SLC22A16: variants seen among roughly 807,000 people sequenced by gnomAD.
SLC22A16 encodes solute carrier family 22 member 16.
Under a neutral mutation model 52.9 loss-of-function variants are expected in SLC22A16, and 53 were observed. That is an observed-to-expected ratio of 1.00 (90% CI 0.80 to 1.26). The LOEUF (loss-of-function observed/expected upper bound fraction) is 1.26, where lower values mean the gene tolerates loss of function less well. Among genes scored for constraint, SLC22A16 ranks in the 50% most tolerant of loss-of-function variants. The probability of loss-of-function intolerance (pLI) is 0.00; values close to 1 mark genes in which losing one functional copy is unlikely to be tolerated. For synonymous variants in SLC22A16, 291 were observed against 268.8 expected, an observed-to-expected ratio of 1.08 and a Z score of -0.81; for missense variants, 726 against 704.0, an observed-to-expected ratio of 1.03 and a Z score of -0.35.
At chr6:110,461,365 A>G (rs1178584859) in intron 1 of SLC22A16, among the ~76,000 whole-genome samples, 3 of 152,184 alleles carry the variant, frequency 2.0e-5, no homozygotes, top group Non-Finnish European at 4.4e-5. Flanking sequence ...CATGATAGGT[A>G]GTGGATCATG....
chr6:110,468,677 A>G (rs2114279733), intron 1 of SLC22A16, among the ~76,000 whole-genome samples: 1 of 151,496 alleles, frequency 6.6e-6, no homozygotes, highest in Non-Finnish European at 1.5e-5. Flanking sequence ...GAGAAGAAGA[A>G]GAAGAAGAAG....
Position 110,442,657 on chromosome 6 carries a change from A to G in SLC22A16, c.770T>C (p.Val257Ala). 1 of 1,614,140 alleles carries G rather than the reference A, an allele frequency of 6.2e-7. No individual in the cohort carries two copies. The highest frequency in any genetic ancestry group is 8.5e-7 in the Non-Finnish European group (1 of 1,179,988). ...CCTGACCAAGTATCCTGTCAAAGCCACCAGCAGGGTTCCAACTGCAAAAAA... is the reference window on the plus strand; with the variant it reads ...CCTGACCAAGTATCCTGTCAAAGCCGCCAGCAGGGTTCCAACTGCAAAAAA... ...HSFFAVGTLLVALTGYLVRTW... is the reference protein window; with the variant it reads ...HSFFAVGTLLAALTGYLVRTW... Residue 257 changes from valine (V) to alanine (A), a missense_variant, in exon 4 of 8, where the codon GTG (valine) becomes GCG (alanine). Transcript: ENST00000368919.
At chr6:110,462,551 T>G (rs1476720544) in intron 1 of SLC22A16, among the ~76,000 whole-genome samples, 27 of 152,192 alleles carry the variant, frequency 1.8e-4, no homozygotes, top group Admixed American at 1.8e-3. Flanking sequence ...AAGACCAATC[T>G]TTCTATTTTA....
chr6:110,443,578 A>C (rs1394781054), intron 3 of SLC22A16, among the ~76,000 whole-genome samples: 2 of 152,180 alleles, frequency 1.3e-5, no homozygotes, highest in Non-Finnish European at 2.9e-5. Context: ...ACCCATGTGT[A>C]ATATGTGAGA....
chr6:110,425,247 C>T, intron 7 of SLC22A16, 162 bp from the exon 8 acceptor site: 3 of 1,516,938 alleles, frequency 2.0e-6, no homozygotes, highest in Non-Finnish European at 2.7e-6. Flanking sequence ...TTGTGCTGGA[C>T]TTCGAGTTCT....
Position 110,425,066 on chromosome 6 carries a change from G to C in SLC22A16, c.1541C>G (p.Ala514Gly), listed in dbSNP as rs1021115202. 2 of 1,614,132 alleles carry C rather than the reference G, an allele frequency of 1.2e-6. No individual in the cohort carries two copies. The highest frequency in any genetic ancestry group is 1.7e-6 in the Non-Finnish European group (2 of 1,180,014). Reference sequence around the variant, plus strand: ...TAGTGTTAACACTCCACTCAGGAGGGCCATAGTCCCAACAAACAACTAGAA... The same window carrying C: ...TAGTGTTAACACTCCACTCAGGAGGCCCATAGTCCCAACAAACAACTAGAA... Reference protein sequence around the residue: ...FIPQLFVGTMALLSGVLTLKL... With the variant: ...FIPQLFVGTMGLLSGVLTLKL... Residue 514 changes from alanine to glycine, a missense_variant, in exon 8 of 8, where the codon GCC (alanine) becomes GGC (glycine). Coordinates refer to ENST00000368919, the MANE Select transcript of SLC22A16 (RefSeq NM_033125.4).
At chr6:110,467,994 C>T (rs1403493499) in intron 1 of SLC22A16, among the ~76,000 whole-genome samples, 1 of 152,224 alleles carries the variant, frequency 6.6e-6, no homozygotes, top group Non-Finnish European at 1.5e-5. Flanking sequence ...CCTCACTTCT[C>T]ATAGAACCTC....
chr6:110,431,372 T>C, intron 6 of SLC22A16, 102 bp from the exon 7 acceptor site: 1 of 995,842 alleles, frequency 1.0e-6, no homozygotes, highest in South Asian at 1.4e-5. Flanking sequence ...CCAGCAAGGA[T>C]AAGGGTGGTC....
chr6:110,456,389 T>A (rs1775654181), intron 2 of SLC22A16, 149 bp downstream of exon 2: 1 of 980,882 alleles, frequency 1.0e-6, no homozygotes. Flanking sequence ...TCATTATACA[T>A]CCCTAAATAA....
At position 110,428,412 on chromosome 6, in the gene SLC22A16, T is replaced by C. The variant is rs376452469; in HGVS notation, c.1521+2759A>G. Among the ~76,000 whole-genome samples, 23 of 152,320 alleles carry C rather than the reference T, an allele frequency of 1.5e-4. No homozygotes were observed. In the South Asian group the frequency reaches 2.3e-3, roughly 15 times the overall value. On this transcript the variant is annotated intron_variant, in intron 7 of 7. Transcript: ENST00000368919. ...GCTGGACAAGGAGCTGACTGCTCTG[T>C]GCTCACTTTTGTATAGATTGTTTGT... is the stretch of plus-strand genomic sequence containing the variant.
chr6:110,441,190 A>G (rs1038532691), intron 4 of SLC22A16, among the ~76,000 whole-genome samples: 36 of 152,242 alleles, frequency 2.4e-4, no homozygotes, highest in Non-Finnish European at 3.7e-4. Flanking sequence ...TTTATGCCCT[A>G]ATTGACAAAG....
chr6:110,457,789 C>T (rs1322015910), intron 1 of SLC22A16, among the ~76,000 whole-genome samples: 2 of 152,238 alleles, frequency 1.3e-5, no homozygotes, highest in South Asian at 4.2e-4. Flanking sequence ...AGAGGTAATG[C>T]CAGTGTCTGG....
chr6:110,470,140 G>T (rs532481688), intron 1 of SLC22A16, among the ~76,000 whole-genome samples: 27 of 152,034 alleles, frequency 1.8e-4, no homozygotes, highest in Admixed American at 1.8e-3. Flanking sequence ...GCATCTACCC[G>T]CTAGACACCA....
intron 1 of SLC22A16, among the ~76,000 whole-genome samples, chr6:110,468,732 G>A (rs1407117498): frequency 6.6e-6 from 1 of 152,104 alleles, no homozygotes; most frequent in African/African-American, 2.4e-5. Context: ...TAGACAGAGG[G>A]GTTGGGCAGG....
At chr6:110,437,526 C>T (rs375489123) in intron 5 of SLC22A16, among the ~76,000 whole-genome samples, 3 of 152,142 alleles carry the variant, frequency 2.0e-5, no homozygotes, top group African/African-American at 7.2e-5. Context: ...ATTTGGCTCA[C>T]CGATCCTAAG....
Position 110,453,527 on chromosome 6 carries a change from C to T in SLC22A16, c.533+3011G>A. ...CAGAGACAAAGAACTTCATTACTTA[C>T]TTCGTTAGCAAGCAGTAGGGCAGCA... On this transcript the variant is annotated intron_variant, in intron 2 of 7. Coordinates refer to ENST00000368919, the MANE Select transcript of SLC22A16 (RefSeq NM_033125.4). 1.2e-5 allele frequency: 5 copies of T among 434,210 alleles called. 1 individual carries two copies. The highest frequency in any genetic ancestry group is 6.6e-5 in the South Asian group (4 of 60,988). 26.9% of individuals were successfully genotyped at this position (434,210 alleles called of 1,614,324 possible).
intron 1 of SLC22A16, among the ~76,000 whole-genome samples, chr6:110,460,913 C>T (rs1447549930): frequency 6.6e-6 from 1 of 152,186 alleles, no homozygotes; most frequent in Non-Finnish European, 1.5e-5. Flanking sequence ...AAAGGAAATG[C>T]AGGCACAGGA....
In SLC22A16 at chr6:110,424,754, T is replaced by C; in HGVS notation, c.*119A>G. 8.4e-7 allele frequency: 1 copy of C among 1,194,024 alleles called. No individual in the cohort carries two copies. Among genetic ancestry groups the C allele is most frequent in the Non-Finnish European group, 1.2e-6 (1 of 865,556 alleles). The allele number at this position is 1,194,024 out of a possible 1,614,324, so 74.0% of individuals were successfully genotyped here. On this transcript the variant is annotated 3_prime_UTR_variant, in exon 8 of 8. Transcript: ENST00000368919. ...ATAACATATTTGCTTTAAAATTTTC[T>C]TACAAAATTTATTAAAAAGACATAC...
At position 110,431,182 on chromosome 6, in the gene SLC22A16, A is replaced by G. The variant is rs767287293; in HGVS notation, c.1510T>C (p.Phe504Leu). ...AAACTGAAGCACACCTGTGGTATGAAGATCCAAATGCTGCTGAGGTCCACA... is the reference window on the plus strand; with the variant it reads ...AAACTGAAGCACACCTGTGGTATGAGGATCCAAATGCTGCTGAGGTCCACA... ...FSVDLSSIWI[F>L]IPQLFVGTMA... The change falls in exon 7 of 8, where the codon TTC becomes CTC. Residue 504 changes from phenylalanine to leucine, a missense_variant. Coordinates refer to ENST00000368919, the MANE Select transcript of SLC22A16 (RefSeq NM_033125.4). 1.2e-6 allele frequency: 2 copies of G among 1,613,892 alleles called. No homozygotes were observed. The highest frequency in any genetic ancestry group is 1.7e-6 in the Non-Finnish European group (2 of 1,179,960).
Sources: allele counts gnomAD v4.1 joint callset (sites outside exome capture counted in the v4.1 genomes callset), GRCh38; gene constraint gnomAD v4.1.1; transcripts MANE v1.5; gene names NCBI Gene and HGNC (gene_info 2026-07-23, HGNC 2026-07-21).